SLC16A7: variants seen among roughly 807,000 people sequenced by gnomAD.
SLC16A7 encodes the protein solute carrier family 16 member 7.
SLC16A7 carries 33 observed loss-of-function variants against 34.9 expected under a neutral mutation model. The ratio of observed to expected loss-of-function variants is 0.94; its 90% CI spans 0.72 to 1.26. SLC16A7 has a LOEUF of 1.26. SLC16A7 is among the 50% of genes most tolerant of loss of function. The pLI, the probability that SLC16A7 is intolerant of heterozygous loss-of-function variation, is 0.00. For synonymous variants in SLC16A7, 201 were observed against 206.6 expected (o/e 0.97, Z 0.23); for missense variants, 573 against 578.1 (o/e 0.99, Z 0.09).
In SLC16A7 at chr12:59,779,414, G is replaced by T. The variant is rs1223357479; in HGVS notation, c.1181-9G>T. On this transcript the variant is annotated splice_polypyrimidine_tract_variant and intron_variant, in intron 5 of 5. Coordinates refer to ENST00000547379, the MANE Select transcript of SLC16A7 (RefSeq NM_001270623.2). Reference sequence around the variant, plus strand: ...TATGCCAACTTAAAAGATGTTCTTTGTCTTCTAGGTAAATTGGTGGATTTA... The same window carrying T: ...TATGCCAACTTAAAAGATGTTCTTTTTCTTCTAGGTAAATTGGTGGATTTA... 1 of 1,561,062 alleles carries T rather than the reference G, an allele frequency of 6.4e-7. No individual in the cohort carries two copies.
intron 3 of SLC16A7, among the ~76,000 whole-genome samples, chr12:59,721,150 C>T (rs371669322): frequency 7.9e-5 from 12 of 151,936 alleles, no homozygotes; most frequent in South Asian, 2.1e-4. Flanking sequence ...CTCTCTCTCT[C>T]GCTATATGAG....
At chr12:59,637,438 A>C (rs771267212) in intron 1 of SLC16A7, among the ~76,000 whole-genome samples, 1 of 149,536 alleles carries the variant, frequency 6.7e-6, no homozygotes, top group Admixed American at 6.7e-5. Flanking sequence ...CTCATTTATC[A>C]TTCTCTTTCT....
In SLC16A7 at chr12:59,648,879, G is replaced by A. The variant is rs117065171; in HGVS notation, c.-129-6273G>A. Among the ~76,000 whole-genome samples, 12 of 152,260 alleles carry A rather than the reference G, an allele frequency of 7.9e-5. No homozygotes were observed. In the East Asian group the frequency reaches 2.3e-3, roughly 29 times the overall value. On this transcript the variant is annotated intron_variant, in intron 1 of 5. Coordinates refer to ENST00000547379, the MANE Select transcript of SLC16A7 (RefSeq NM_001270623.2). ...TCATGAATTCTATGGATAGATTATT[G>A]ATTGTGGTGCATAGGTATTGATTAT...
In SLC16A7 at chr12:59,779,683, G is replaced by C; in HGVS notation, c.*4G>C. The C allele has an allele frequency of 2.5e-6, 4 of 1,601,840 alleles. No homozygotes were observed. Among genetic ancestry groups the C allele is most frequent in the Non-Finnish European group, 3.4e-6 (4 of 1,172,978 alleles). On this transcript the variant is annotated 3_prime_UTR_variant, in exon 6 of 6. Transcript: ENST00000547379. ...AGAAAGAGAAACTAACATTTAACAA[G>C]AATCACATCTCTGATTTCAGTGTTT...
intron 2 of SLC16A7, among the ~76,000 whole-genome samples, chr12:59,669,136 C>T (rs1869457519): frequency 6.6e-6 from 1 of 152,110 alleles, no homozygotes; most frequent in African/African-American, 2.4e-5. Flanking sequence ...ACACCAAAGC[C>T]ATGCTGACAG....
chr12:59,777,423 C>T (rs1378734153), intron 5 of SLC16A7, among the ~76,000 whole-genome samples: 2 of 152,032 alleles, frequency 1.3e-5, no homozygotes, highest in African/African-American at 4.8e-5. Flanking sequence ...ATTGCTGTTA[C>T]GTCTTACATA....
intron 2 of SLC16A7, among the ~76,000 whole-genome samples, chr12:59,679,206 G>C (rs1179294053): frequency 1.3e-5 from 2 of 152,268 alleles, no homozygotes; most frequent in East Asian, 3.9e-4. Flanking sequence ...AAGAGCACAG[G>C]GATGGCCGGG....
intron 1 of SLC16A7, among the ~76,000 whole-genome samples, chr12:59,640,990 T>C (rs1471283160): frequency 2.6e-5 from 4 of 152,050 alleles, no homozygotes; most frequent in Non-Finnish European, 4.4e-5. Flanking sequence ...GCAACATTTG[T>C]ATAGAAAATT....
chr12:59,614,638 G>T (rs779373680), intron 1 of SLC16A7, among the ~76,000 whole-genome samples: 2 of 151,668 alleles, frequency 1.3e-5, no homozygotes, highest in Non-Finnish European at 2.9e-5. Flanking sequence ...CCAGTAAGAG[G>T]TGATTAGTTT....
At chr12:59,613,312 A>T (rs1879287610) in intron 1 of SLC16A7, among the ~76,000 whole-genome samples, 1 of 152,216 alleles carries the variant, frequency 6.6e-6, no homozygotes, top group Non-Finnish European at 1.5e-5. Context: ...AAACCACCCC[A>T]TGGTTAAATT....
In SLC16A7 at chr12:59,779,812, C is replaced by T; in HGVS notation, c.*133C>T. 3.1e-6 allele frequency: 2 copies of T among 646,850 alleles called. No individual in the cohort carries two copies. The highest frequency in any genetic ancestry group is 2.5e-6 in the Non-Finnish European group (1 of 394,052). The allele number at this position is 646,850 out of a possible 1,614,324, so 40.1% of individuals were successfully genotyped here. ...CAATTAAGGATGGAGGTGATATTTTCCTCAATGGCAAATTTTAAATTAGTT... is the reference window on the plus strand; with the variant it reads ...CAATTAAGGATGGAGGTGATATTTTTCTCAATGGCAAATTTTAAATTAGTT... On this transcript the variant is annotated 3_prime_UTR_variant, in exon 6 of 6. Coordinates refer to ENST00000547379, the MANE Select transcript of SLC16A7 (RefSeq NM_001270623.2).
chr12:59,694,868 A>G (rs1197808591), intron 2 of SLC16A7, among the ~76,000 whole-genome samples: 1 of 152,008 alleles, frequency 6.6e-6, no homozygotes, highest in Non-Finnish European at 1.5e-5. Context: ...AAAGGATGTA[A>G]CATAGATTAA....
intron 3 of SLC16A7, among the ~76,000 whole-genome samples, chr12:59,734,498 G>C (rs549193421): frequency 8.5e-5 from 13 of 152,358 alleles, no homozygotes; most frequent in Non-Finnish European, 1.8e-4. Context: ...CTGGAGCCAT[G>C]GCTAGGCAGC....
At chr12:59,729,982 T>A (rs146667814) in intron 3 of SLC16A7, among the ~76,000 whole-genome samples, 113 of 152,298 alleles carry the variant, frequency 7.4e-4, no homozygotes, top group African/African-American at 2.6e-3. Context: ...TACTGAGTAG[T>A]CTGCAAGCTT....
At chr12:59,603,544 T>C (rs1878789994) in intron 1 of SLC16A7, among the ~76,000 whole-genome samples, 1 of 152,182 alleles carries the variant, frequency 6.6e-6, no homozygotes, top group Non-Finnish European at 1.5e-5. Context: ...AAACACCACA[T>C]ACAAATTTTC....
chr12:59,682,330 G>T (rs146547813), intron 2 of SLC16A7, among the ~76,000 whole-genome samples: 170 of 152,184 alleles, frequency 1.1e-3, no homozygotes, highest in African/African-American at 4.1e-3. Flanking sequence ...CATCTTAGGG[G>T]ACAGAAGACT....
chr12:59,678,532 G>A (rs1017580103), intron 2 of SLC16A7, among the ~76,000 whole-genome samples: 2 of 152,176 alleles, frequency 1.3e-5, no homozygotes, highest in African/African-American at 4.8e-5. Context: ...AGACTCTGGA[G>A]TGAGTAACTC....
chr12:59,762,533 C>T (rs969664978), intron 3 of SLC16A7, among the ~76,000 whole-genome samples: 2 of 152,076 alleles, frequency 1.3e-5, no homozygotes, highest in Non-Finnish European at 2.9e-5. Context: ...CAATGTAAAA[C>T]AATCATTCCC....
chr12:59,772,087 G>A (rs2711657), intron 4 of SLC16A7, among the ~76,000 whole-genome samples: 90,914 of 151,960 alleles, frequency 0.6, 28,053 homozygotes, highest in African/African-American at 0.77. Context: ...TATATTCAAC[G>A]TATTAGGAAA....
Sources: allele counts gnomAD v4.1 joint callset (sites outside exome capture counted in the v4.1 genomes callset), GRCh38; gene constraint gnomAD v4.1.1; transcripts MANE v1.5; gene names NCBI Gene and HGNC (gene_info 2026-07-23, HGNC 2026-07-21).